Variants in ZNF804A observed in about 807,000 individuals in gnomAD.
ZNF804A encodes zinc finger protein 804A.
In ZNF804A, 2 loss-of-function variants were observed where a neutral mutation model predicts 16.5. That is an observed-to-expected ratio of 0.12 (90% CI 0.05 to 0.38). The LOEUF (loss-of-function observed/expected upper bound fraction) is 0.38, where lower values mean the gene tolerates loss of function less well. Ranked by LOEUF, ZNF804A falls within the 10% of genes least tolerant of loss-of-function variation. The pLI is 0.99. For missense variants in ZNF804A, 1,473 were observed against 1,390.7 expected, an observed-to-expected ratio of 1.06 and a Z score of -0.94; for synonymous variants, 534 against 489.6, an observed-to-expected ratio of 1.09 and a Z score of -1.20.
chr2:184,937,870 C>T lies in ZNF804A; in HGVS notation c.2474C>T (p.Thr825Ile), dbSNP rs1482976803. The change falls in exon 4 of 4, where the codon ACT becomes ATT. Residue 825 changes from threonine to isoleucine, a missense_variant. Transcript: ENST00000302277. ...KRGRFHPGFE[T>I]LELKENTDYP... ...GGCAGATTCCACCCCGGATTTGAAA[C>T]TTTAGAACTCAAAGAAAATACAGAT... is the stretch of plus-strand genomic sequence containing the variant. The T allele has an allele frequency of 6.2e-6, 10 of 1,613,934 alleles. No homozygotes were observed. The highest frequency in any genetic ancestry group is 8.5e-6 in the Non-Finnish European group (10 of 1,179,996).
intron 1 of ZNF804A, among the ~76,000 whole-genome samples, chr2:184,794,331 A>G (rs1694597652): frequency 6.6e-6 from 1 of 152,062 alleles, no homozygotes; most frequent in African/African-American, 2.4e-5. Flanking sequence ...ACTGATGTTG[A>G]GCATTTTTTC....
rs114183808 is a variant in ZNF804A, at chr2:184,841,161, C to A, written c.112-25208C>A. Among the ~76,000 whole-genome samples, 1,359 of 152,188 alleles carry A rather than the reference C, an allele frequency of 8.9e-3. 22 individuals are homozygous for A. The highest frequency in any genetic ancestry group is 0.031 in the African/African-American group (1,299 of 41,550). On this transcript the variant is annotated intron_variant, in intron 1 of 3. Transcript: ENST00000302277. ...TCCCTGTATGTCTTCTTTATACAAG[C>A]CCTAGAAATGTGAAATCTCTCCATT...
chr2:184,883,012 G>C (rs1466616142), intron 2 of ZNF804A, among the ~76,000 whole-genome samples: 1 of 151,792 alleles, frequency 6.6e-6, no homozygotes, highest in East Asian at 1.9e-4. Context: ...TTTTTGGAAA[G>C]AATAAATAAG....
chr2:184,668,453 A>G (rs958031603), intron 1 of ZNF804A, among the ~76,000 whole-genome samples: 13 of 151,930 alleles, frequency 8.6e-5, no homozygotes, highest in African/African-American at 2.9e-4. Flanking sequence ...ATCATCATTG[A>G]TTATATAATT....
At chr2:184,768,812 C>T (rs1574203347) in intron 1 of ZNF804A, among the ~76,000 whole-genome samples, 1 of 151,998 alleles carries the variant, frequency 6.6e-6, no homozygotes, top group East Asian at 1.9e-4. Flanking sequence ...GACTTAGTAA[C>T]TTTACTGACA....
chr2:184,737,282 C>T (rs1242621508), intron 1 of ZNF804A, among the ~76,000 whole-genome samples: 1 of 151,816 alleles, frequency 6.6e-6, no homozygotes, highest in East Asian at 1.9e-4. Flanking sequence ...AGGGTGGCCT[C>T]TATCTCCTGA....
At chr2:184,727,952 G>A (rs771759907) in intron 1 of ZNF804A, among the ~76,000 whole-genome samples, 1 of 151,576 alleles carries the variant, frequency 6.6e-6, no homozygotes, top group Non-Finnish European at 1.5e-5. Flanking sequence ...TGGCAAACAC[G>A]GTCTGTGAAT....
At chr2:184,760,096 T>C (rs1694019323) in intron 1 of ZNF804A, among the ~76,000 whole-genome samples, 1 of 152,070 alleles carries the variant, frequency 6.6e-6, no homozygotes, top group Admixed American at 6.6e-5. Flanking sequence ...ATGCCATCAG[T>C]TAAGGCAGGA....
At chr2:184,897,757 T>C (rs1685111399) in intron 2 of ZNF804A, among the ~76,000 whole-genome samples, 1 of 152,178 alleles carries the variant, frequency 6.6e-6, no homozygotes, top group African/African-American at 2.4e-5. Flanking sequence ...ACTCTTTCCA[T>C]TGTTTTTTGT....
chr2:184,701,350 G>T (rs16826169), intron 1 of ZNF804A, among the ~76,000 whole-genome samples: 3 of 151,656 alleles, frequency 2.0e-5, no homozygotes, highest in African/African-American at 7.3e-5. Context: ...ATAGAAAAAG[G>T]CAATTTTTGG....
chr2:184,682,688 T>C (rs1330872462), intron 1 of ZNF804A, among the ~76,000 whole-genome samples: 1 of 152,228 alleles, frequency 6.6e-6, no homozygotes, highest in Non-Finnish European at 1.5e-5. Flanking sequence ...ATCTGAATTT[T>C]GTGGCGTTTA....
At chr2:184,838,120 T>C (rs1317052587) in intron 1 of ZNF804A, among the ~76,000 whole-genome samples, 9 of 152,030 alleles carry the variant, frequency 5.9e-5, no homozygotes, top group Admixed American at 5.9e-4. Flanking sequence ...AAATAGCAGG[T>C]TGGAGTTTAA....
chr2:184,734,249 G>A (rs1693573903), intron 1 of ZNF804A, among the ~76,000 whole-genome samples: 1 of 151,964 alleles, frequency 6.6e-6, no homozygotes, highest in East Asian at 1.9e-4. Flanking sequence ...TTTTCCTAAG[G>A]TGGAAGCTTA....
At chr2:184,773,180 T>TAA (rs539488794) in intron 1 of ZNF804A, among the ~76,000 whole-genome samples, 1 of 151,214 alleles carries the variant, frequency 6.6e-6, no homozygotes, top group Non-Finnish European at 1.5e-5. Context: ...AGCTTACTTT[T>TAA]AAAAAAAACA....
chr2:184,938,478 G>A lies in ZNF804A; in HGVS notation c.3082G>A (p.Ala1028Thr). 6.2e-7 allele frequency: 1 copy of A among 1,614,024 alleles called. No homozygotes were observed. The highest frequency in any genetic ancestry group is 2.2e-5 in the East Asian group (1 of 44,850). The change falls in exon 4 of 4, where the codon GCT (alanine) becomes ACT (threonine). Residue 1028 changes from alanine (A) to threonine (T), a missense_variant. Transcript: ENST00000302277. Reference sequence around the variant, plus strand: ...AGCTGAGCAAATCCTGGCTCCATTAGCTTTACCAGAGCAAGCATTATTGAT... The same window carrying A: ...AGCTGAGCAAATCCTGGCTCCATTAACTTTACCAGAGCAAGCATTATTGAT... The part of the protein sequence containing the change: ...VTAEQILAPL[A>T]LPEQALLIPL...
intron 1 of ZNF804A, among the ~76,000 whole-genome samples, chr2:184,634,538 G>A (rs1250556618): frequency 6.6e-6 from 1 of 151,984 alleles, no homozygotes; most frequent in Non-Finnish European, 1.5e-5. Context: ...GATGACAGAA[G>A]CAGAGGGGTG....
intron 1 of ZNF804A, among the ~76,000 whole-genome samples, chr2:184,760,709 G>C (rs766232077): frequency 3.3e-5 from 5 of 152,160 alleles, no homozygotes; most frequent in African/African-American, 7.2e-5. Context: ...TTGGCTACAT[G>C]CTTGGAATAA....
chr2:184,664,312 G>A (rs1692223736), intron 1 of ZNF804A, among the ~76,000 whole-genome samples: 1 of 152,078 alleles, frequency 6.6e-6, no homozygotes, highest in African/African-American at 2.4e-5. Flanking sequence ...GATTGAATTA[G>A]ATATTCATCA....
intron 1 of ZNF804A, among the ~76,000 whole-genome samples, chr2:184,648,473 G>T (rs564807206): frequency 5.9e-5 from 9 of 151,980 alleles, no homozygotes; most frequent in Non-Finnish European, 1.0e-4. Flanking sequence ...TAACAAGTTG[G>T]ATTAAAAGTA....
Sources: allele counts gnomAD v4.1 joint callset (sites outside exome capture counted in the v4.1 genomes callset), GRCh38; gene constraint gnomAD v4.1.1; transcripts MANE v1.5; gene names NCBI Gene and HGNC (gene_info 2026-07-23, HGNC 2026-07-21).